AUTS2: variants seen among roughly 807,000 people sequenced by gnomAD.
AUTS2 encodes activator of transcription and developmental regulator AUTS2.
A neutral mutation model predicts 112.4 loss-of-function variants in AUTS2; 17 were observed. That is an observed-to-expected ratio of 0.15 (90% confidence interval 0.10 to 0.23). The LOEUF is 0.23. Ranked by LOEUF, AUTS2 falls within the 10% of genes least tolerant of loss-of-function variation. AUTS2 has a pLI of 1.00. For missense variants in AUTS2, 1,510 were observed against 1,701.6 expected (o/e 0.89, Z 1.98); for synonymous variants, 751 against 702.7 (o/e 1.07, Z -1.09).
At chr7:69,780,968 A>C (rs1789120695) in intron 1 of AUTS2, among the ~76,000 whole-genome samples, 1 of 152,206 alleles carries the variant, frequency 6.6e-6, no homozygotes, top group Admixed American at 6.5e-5. Context: ...TATAAATTAG[A>C]ATTATAGTTC....
chr7:70,139,652 G>A lies in AUTS2; in HGVS notation c.660+5081G>A, dbSNP rs116926171. On this transcript the variant is annotated intron_variant, in intron 4 of 18. Transcript: ENST00000342771. The stretch of plus-strand genomic sequence containing the variant: ...TTGTTTGGTTTGCAAGAAAACTGAT[G>A]CCATCAAGGAAGATGAAAAGTTACT... Among the ~76,000 whole-genome samples the A allele has an allele frequency of 3.7e-4, 56 of 152,258 alleles. No individual in the cohort carries two copies. In the East Asian group the frequency reaches 0.011, roughly 29 times the overall value.
chr7:69,944,289 C>G (rs1796728783), intron 2 of AUTS2, among the ~76,000 whole-genome samples: 2 of 152,068 alleles, frequency 1.3e-5, no homozygotes, highest in Admixed American at 1.3e-4. Flanking sequence ...GTTTTCTTGT[C>G]TTAGAGAAGA....
At chr7:70,015,397 A>G (rs1008139420) in intron 2 of AUTS2, among the ~76,000 whole-genome samples, 1 of 152,242 alleles carries the variant, frequency 6.6e-6, no homozygotes, top group Non-Finnish European at 1.5e-5. Flanking sequence ...AATTGAGGTT[A>G]AATAATTGCA....
intron 1 of AUTS2, among the ~76,000 whole-genome samples, chr7:69,653,341 A>T (rs116957599): frequency 0.014 from 2,121 of 152,326 alleles, 25 homozygotes; most frequent in Middle Eastern, 0.031. Context: ...CCTGAAGAAC[A>T]GTTTTATGAT....
At chr7:70,376,575 T>C (rs1793094268) in intron 4 of AUTS2, among the ~76,000 whole-genome samples, 1 of 151,762 alleles carries the variant, frequency 6.6e-6, no homozygotes. Context: ...GCTTGCTTTG[T>C]TCTCTTCTGG....
intron 2 of AUTS2, among the ~76,000 whole-genome samples, chr7:69,919,203 C>T (rs1562968491): frequency 6.6e-6 from 1 of 152,192 alleles, no homozygotes; most frequent in Non-Finnish European, 1.5e-5. Context: ...ACCCCTTCTA[C>T]ACTTTTTTCC....
intron 2 of AUTS2, among the ~76,000 whole-genome samples, chr7:69,963,209 A>G (rs968759484): frequency 1.3e-5 from 2 of 152,136 alleles, no homozygotes; most frequent in Admixed American, 6.6e-5. Flanking sequence ...GTTAAGGATA[A>G]GTTATTAATA....
At chr7:70,662,867 A>G (rs1334535754) in intron 5 of AUTS2, among the ~76,000 whole-genome samples, 1 of 152,130 alleles carries the variant, frequency 6.6e-6, no homozygotes, top group African/African-American at 2.4e-5. Context: ...GGTAAAGTAA[A>G]TTGATGTTGT....
chr7:70,091,541 G>A (rs1803919882), intron 2 of AUTS2, among the ~76,000 whole-genome samples: 1 of 152,008 alleles, frequency 6.6e-6, no homozygotes, highest in Admixed American at 6.6e-5. Context: ...ATCAAGTCTC[G>A]ACACTTGGAA....
At chr7:69,880,970 AC>A in intron 1 of AUTS2, among the ~76,000 whole-genome samples, 1 of 152,292 alleles carries the variant, frequency 6.6e-6, no homozygotes, top group Non-Finnish European at 1.5e-5. Context: ...GATGCCTACC[AC>A]ACGAGGTTGG....
chr7:69,732,576 C>G (rs1786846002), intron 1 of AUTS2, among the ~76,000 whole-genome samples: 1 of 151,866 alleles, frequency 6.6e-6, no homozygotes. Flanking sequence ...TTTATTTTCC[C>G]CCAATTTGAT....
chr7:69,670,813 A>G (rs560271439), intron 1 of AUTS2, among the ~76,000 whole-genome samples: 12 of 152,222 alleles, frequency 7.9e-5, no homozygotes, highest in South Asian at 6.2e-4. Flanking sequence ...GCAGTGAGCT[A>G]TGATTGTACT....
At chr7:70,566,889 A>T (rs997921484) in intron 5 of AUTS2, among the ~76,000 whole-genome samples, 2 of 152,218 alleles carry the variant, frequency 1.3e-5, no homozygotes, top group African/African-American at 4.8e-5. Flanking sequence ...GTCGGTTCTA[A>T]TAAAGAGTGT....
rs1291550511 is a variant in AUTS2 at position 70,014,447 on chromosome 7, C to CT, written c.523-103679dup. Among the ~76,000 whole-genome samples, 10 of 152,306 alleles carry CT rather than the reference C, an allele frequency of 6.6e-5. No homozygotes were observed. The South Asian group carries it at 1.5e-3, about 22-fold the overall frequency. On this transcript the variant is annotated intron_variant, in intron 2 of 18. Coordinates refer to ENST00000342771, the MANE Select transcript of AUTS2 (RefSeq NM_015570.4). ...CAGACATAATTAAGGTATTGTCATT[C>CT]TTTTTTGTCTGTCCTGGTTCTCATT...
Position 70,102,819 on chromosome 7 carries a change from G to A in AUTS2, c.523-15313G>A, listed in dbSNP as rs553302617. On this transcript the variant is annotated intron_variant, in intron 2 of 18. Transcript: ENST00000342771. Reference sequence around the variant, plus strand: ...GGTAAATGAAATTATATTCTCAATTGCTTGTCTGGTCTAATATGACCAAAA... The same window carrying A: ...GGTAAATGAAATTATATTCTCAATTACTTGTCTGGTCTAATATGACCAAAA... Among the ~76,000 whole-genome samples the A allele has an allele frequency of 1.8e-4, 27 of 151,954 alleles. No individual in the cohort carries two copies. In the South Asian group the frequency reaches 5.6e-3, roughly 32 times the overall value.
chr7:69,618,684 G>A (rs1222918125), intron 1 of AUTS2, among the ~76,000 whole-genome samples: 1 of 152,060 alleles, frequency 6.6e-6, no homozygotes, highest in Non-Finnish European at 1.5e-5. Flanking sequence ...GTAGATATGT[G>A]TATATATGAC....
chr7:69,795,241 TG>T (rs1231255353), intron 1 of AUTS2, among the ~76,000 whole-genome samples: 2 of 152,204 alleles, frequency 1.3e-5, no homozygotes, highest in African/African-American at 2.4e-5. Flanking sequence ...CTTCTAGTTT[TG>T]TGACCTTAGA....
chr7:69,815,882 T>G (rs1057012371), intron 1 of AUTS2, among the ~76,000 whole-genome samples: 1 of 152,246 alleles, frequency 6.6e-6, no homozygotes, highest in East Asian at 1.9e-4. Context: ...AATGGTGAGA[T>G]ACAACAGAGC....
chr7:69,742,729 A>G (rs1787322108), intron 1 of AUTS2, among the ~76,000 whole-genome samples: 1 of 152,178 alleles, frequency 6.6e-6, no homozygotes, highest in Admixed American at 6.5e-5. Context: ...TACAGTGATC[A>G]TTGTAATACT....
Sources: gnomAD v4.1 joint callset for allele counts (sites outside exome capture counted in the v4.1 genomes callset) on GRCh38, gnomAD v4.1.1 for gene constraint, MANE v1.5 for transcripts, NCBI Gene and HGNC (gene_info 2026-07-23, HGNC 2026-07-21) for gene names.